Variants in RBFOX1 observed in about 807,000 individuals in gnomAD.
The protein encoded by RBFOX1 is RNA binding protein fox-1 homolog 1.
RBFOX1 carries 8 observed loss-of-function variants against 57.7 expected under a neutral mutation model. The observed-to-expected ratio is 0.14, with a 90% CI of 0.08 to 0.25. RBFOX1 has a LOEUF of 0.25. RBFOX1 is among the 10% of genes least tolerant of loss of function. The probability of loss-of-function intolerance (pLI) is 1.00; values close to 1 mark genes in which losing one functional copy is unlikely to be tolerated. For missense variants in RBFOX1, 611 were observed against 548.5 expected, an observed-to-expected ratio of 1.11 and a Z score of -1.14; for synonymous variants, 326 against 222.4, an observed-to-expected ratio of 1.47 and a Z score of -4.15.
intron 3 of RBFOX1, among the ~76,000 whole-genome samples, chr16:6,978,455 T>G (rs1166265829): frequency 1.3e-5 from 2 of 152,200 alleles, no homozygotes; most frequent in African/African-American, 2.4e-5. Flanking sequence ...TTGGTGCATA[T>G]TTACTTATTA....
intron 1 of RBFOX1, among the ~76,000 whole-genome samples, chr16:6,275,298 G>C (rs956881611): frequency 6.0e-5 from 8 of 133,094 alleles, no homozygotes; most frequent in Non-Finnish European, 1.1e-4. Context: ...GCGACAGAGT[G>C]AGACTCCATC....
chr16:5,521,375 G>C (rs570153382), intron 2 of RBFOX1, among the ~76,000 whole-genome samples: 2 of 136,100 alleles, frequency 1.5e-5, no homozygotes, highest in East Asian at 2.3e-4. Context: ...GGGTGGGGGG[G>C]TGGAAAAAGA....
intron 4 of RBFOX1, among the ~76,000 whole-genome samples, chr16:7,196,479 G>C (rs1292131193): frequency 6.6e-6 from 1 of 152,146 alleles, no homozygotes; most frequent in South Asian, 2.1e-4. Context: ...AAGGTCCAAT[G>C]GCTTCCCAAA....
chr16:5,502,025 C>CTATTAT (rs58333271), intron 2 of RBFOX1, among the ~76,000 whole-genome samples: 3,111 of 150,240 alleles, frequency 0.021, 121 homozygotes, highest in African/African-American at 0.07. Flanking sequence ...GCCCAGCTCA[C>CTATTAT]TATTATTATT....
At chr16:7,369,719 G>A (rs753024443) in intron 4 of RBFOX1, among the ~76,000 whole-genome samples, 4 of 152,126 alleles carry the variant, frequency 2.6e-5, no homozygotes, top group Non-Finnish European at 5.9e-5. Flanking sequence ...ATTAGCAATA[G>A]CATACCTTTC....
chr16:7,056,431 C>G (rs1380366715), intron 4 of RBFOX1, among the ~76,000 whole-genome samples: 1 of 152,152 alleles, frequency 6.6e-6, no homozygotes, highest in Non-Finnish European at 1.5e-5. Context: ...GTGCATTAAC[C>G]ACTCCTGATC....
At chr16:7,429,200 A>G (rs1283860880) in intron 4 of RBFOX1, among the ~76,000 whole-genome samples, 1 of 152,164 alleles carries the variant, frequency 6.6e-6, no homozygotes, top group South Asian at 2.1e-4. Flanking sequence ...GGGGACATCT[A>G]CTGGACAGAG....
At chr16:7,386,222 A>G (rs2097878127) in intron 4 of RBFOX1, among the ~76,000 whole-genome samples, 1 of 152,108 alleles carries the variant, frequency 6.6e-6, no homozygotes, top group Non-Finnish European at 1.5e-5. Context: ...CCTTCTCACT[A>G]AAGTGCTTGA....
At chr16:7,213,195 T>G (rs1397991408) in intron 4 of RBFOX1, among the ~76,000 whole-genome samples, 2 of 152,156 alleles carry the variant, frequency 1.3e-5, no homozygotes, top group East Asian at 3.9e-4. Context: ...AAATGCAGAT[T>G]ACACGGAACA....
chr16:7,485,126 A>C (rs1352635385), intron 4 of RBFOX1, among the ~76,000 whole-genome samples: 2 of 151,902 alleles, frequency 1.3e-5, no homozygotes, highest in Admixed American at 1.3e-4. Context: ...TCCCTCAGGT[A>C]GGAAGTTGTT....
intron 11 of RBFOX1, among the ~76,000 whole-genome samples, chr16:7,639,341 T>C (rs1256660790): frequency 6.6e-6 from 1 of 152,164 alleles, no homozygotes; most frequent in African/African-American, 2.4e-5. Flanking sequence ...AGACACTCCT[T>C]CTTCTCTTTT....
intron 3 of RBFOX1, among the ~76,000 whole-genome samples, chr16:6,893,737 G>GC (rs2066082332): frequency 6.6e-6 from 1 of 152,162 alleles, no homozygotes; most frequent in Non-Finnish European, 1.5e-5. Flanking sequence ...ATTTTCATTT[G>GC]CATTTATCAT....
intron 4 of RBFOX1, among the ~76,000 whole-genome samples, chr16:7,144,047 T>G (rs1490162956): frequency 6.6e-6 from 1 of 152,138 alleles, no homozygotes; most frequent in Non-Finnish European, 1.5e-5. Flanking sequence ...CCGTAAAGGC[T>G]GAGTTTCGGG....
At chr16:7,504,048 T>C (rs2071916868) in intron 4 of RBFOX1, among the ~76,000 whole-genome samples, 1 of 152,184 alleles carries the variant, frequency 6.6e-6, no homozygotes, top group Non-Finnish European at 1.5e-5. Context: ...TGTATAATTA[T>C]ATCTCTATGA....
At chr16:7,091,231 T>C (rs185926572) in intron 4 of RBFOX1, among the ~76,000 whole-genome samples, 1 of 152,150 alleles carries the variant, frequency 6.6e-6, no homozygotes, top group Admixed American at 6.5e-5. Context: ...TGTTTTTACT[T>C]TAAGTTAAAA....
At position 7,022,918 on chromosome 16, in the gene RBFOX1, C is replaced by G. The variant is rs1407386291; in HGVS notation, c.-15-29139C>G. ...AACTAGGGCTTGCACCCCATTGTCT[C>G]ACTCTTGAGTCTTCATTCTTTATCA... On this transcript the variant is annotated intron_variant, in intron 3 of 15. Coordinates refer to ENST00000550418, the MANE Select transcript of RBFOX1 (RefSeq NM_018723.4). Among the ~76,000 whole-genome samples the G allele has an allele frequency of 7.9e-5, 12 of 152,292 alleles. 1 individual carries two copies. The East Asian group carries it at 1.7e-3, about 22-fold the overall frequency.
chr16:6,882,223 C>T (rs762710385), intron 3 of RBFOX1, among the ~76,000 whole-genome samples: 7 of 152,090 alleles, frequency 4.6e-5, no homozygotes, highest in African/African-American at 1.2e-4. Context: ...AATTTATTTG[C>T]AGTCTCCACC....
At chr16:6,986,852 A>G (rs1465591061) in intron 3 of RBFOX1, among the ~76,000 whole-genome samples, 2 of 152,124 alleles carry the variant, frequency 1.3e-5, no homozygotes, top group Non-Finnish European at 2.9e-5. Context: ...TTGATGATTT[A>G]TTATAATCCC....
chr16:6,661,554 C>G (rs1349437528), intron 3 of RBFOX1, among the ~76,000 whole-genome samples: 1 of 152,110 alleles, frequency 6.6e-6, no homozygotes, highest in East Asian at 1.9e-4. Context: ...TTACACAGCA[C>G]CAAGAAGGTA....
Sources: allele counts gnomAD v4.1 joint callset (sites outside exome capture counted in the v4.1 genomes callset), GRCh38; gene constraint gnomAD v4.1.1; transcripts MANE v1.5; gene names NCBI Gene and HGNC (gene_info 2026-07-23, HGNC 2026-07-21).